The following SMUG1 variants were observed in gnomAD, a reference collection of about 807,000 sequenced individuals.
The protein encoded by SMUG1 is single-strand selective monofunctional uracil DNA glycosylase.
Under a neutral mutation model 23.9 loss-of-function variants are expected in SMUG1, and 13 were observed. The observed-to-expected ratio is 0.54, with a 90% CI of 0.35 to 0.86. The LOEUF (loss-of-function observed/expected upper bound fraction) is 0.86. Among genes scored for constraint, SMUG1 ranks in the 40% least tolerant of loss-of-function variants. The pLI, the probability that SMUG1 is intolerant of heterozygous loss-of-function variation, is 0.01. For synonymous variants in SMUG1, 133 were observed against 139.8 expected (o/e 0.95, Z 0.34); for missense variants, 313 against 339.5 (o/e 0.92, Z 0.61).
At chr12:54,164,924 T>C (rs1228583667) in intron 4 of SMUG1, 1 of 152,190 alleles carries the variant, frequency 6.6e-6, no homozygotes, top group Non-Finnish European at 1.5e-5. Context: ...CAAACAATTA[T>C]ATCATTCTGC....
chr12:54,169,322 C>T (rs1940558422), intron 3 of SMUG1, among the ~76,000 whole-genome samples: 1 of 152,026 alleles, frequency 6.6e-6, no homozygotes, highest in African/African-American at 2.4e-5. Flanking sequence ...AGGACTGTAC[C>T]AGTGGAGATT....
At chr12:54,187,435 G>A (rs544168421) in intron 2 of SMUG1, 1 of 152,374 alleles carries the variant, frequency 6.6e-6, no homozygotes, top group African/African-American at 2.4e-5. Context: ...TGAGAAGGGT[G>A]CTGTGGAGAA....
At chr12:54,161,672 T>C (rs779814790), downstream of SMUG1, among the ~76,000 whole-genome samples, 2 of 152,224 alleles carry the variant, frequency 1.3e-5, no homozygotes, top group Non-Finnish European at 2.9e-5. The surrounding 1 kb of genome is among the most constrained non-coding windows in gnomAD (Gnocchi z 4.2). Context: ...CTCTCTCCTT[T>C]ACCTTTTGCC....
intron 2 of SMUG1, among the ~76,000 whole-genome samples, chr12:54,174,826 T>G (rs1940714595): frequency 6.6e-6 from 1 of 152,218 alleles, no homozygotes; most frequent in African/African-American, 2.4e-5. Context: ...GGAAAATTCT[T>G]TTGCAGGTGT....
chr12:54,159,071 G>A (rs1156241180), intron 4 of SMUG1, among the ~76,000 whole-genome samples: 1 of 152,058 alleles, frequency 6.6e-6, no homozygotes, highest in Admixed American at 6.5e-5. Flanking sequence ...CCCCAGGTTA[G>A]TGCCCCCACA....
chr12:54,185,423 G>A (rs1029113301), intron 2 of SMUG1, among the ~76,000 whole-genome samples: 4 of 149,416 alleles, frequency 2.7e-5, no homozygotes, highest in Non-Finnish European at 5.9e-5. Flanking sequence ...AGCCAAGATC[G>A]TGCCACTGCA....
Position 54,184,042 on chromosome 12 carries a change from C to G in SMUG1, c.-19-83G>C, listed in dbSNP as rs957694258. ...CCATGCTTGCCAGGGCCCCCACTACCATTTCCTGGGCTCAGAAGGGACCCT... is the reference window on the plus strand; with the variant it reads ...CCATGCTTGCCAGGGCCCCCACTACGATTTCCTGGGCTCAGAAGGGACCCT... On this transcript the variant is annotated intron_variant, in intron 2 of 3. Transcript: ENST00000682136. 3.3e-6 allele frequency: 4 copies of G among 1,224,776 alleles called. No individual in the cohort carries two copies. In the Admixed American group the frequency reaches 1.2e-4, roughly 36 times the overall value. The allele number at this position is 1,224,776 out of a possible 1,614,324, so 75.9% of individuals were successfully genotyped here. A position where few individuals can be genotyped will look rare whatever the true frequency, so the allele number is the denominator to read the frequency against.
Position 54,181,569 on chromosome 12 carries a change from G to A in SMUG1, c.*527C>T. On this transcript the variant is annotated 3_prime_UTR_variant, in exon 4 of 4. Coordinates refer to ENST00000682136, the MANE Select transcript of SMUG1 (RefSeq NM_001243787.2). The stretch of plus-strand genomic sequence containing the variant: ...CTTCTGACTTGCACTCTGTCACACT[G>A]GATTTTTCCTCTGATCCAGCTGCAG... 1 of 1,556,450 alleles carries A rather than the reference G, an allele frequency of 6.4e-7. No homozygotes were observed. Among genetic ancestry groups the A allele is most frequent in the Non-Finnish European group, 8.6e-7 (1 of 1,157,464 alleles).
At chr12:54,170,524 C>T (rs1347250498) in intron 3 of SMUG1, among the ~76,000 whole-genome samples, 1 of 152,138 alleles carries the variant, frequency 6.6e-6, no homozygotes, top group Non-Finnish European at 1.5e-5. Flanking sequence ...AAGCCAAGAG[C>T]CCCGCACCTC....
At chr12:54,165,861 C>T (rs544435769) in intron 3 of SMUG1, among the ~76,000 whole-genome samples, 169 of 152,280 alleles carry the variant, frequency 1.1e-3, no homozygotes, top group Non-Finnish European at 2.1e-3. Context: ...CAGGTAGTAG[C>T]TTAAAAGCCT....
At chr12:54,170,054 C>T (rs551557361) in intron 3 of SMUG1, among the ~76,000 whole-genome samples, 4 of 151,994 alleles carry the variant, frequency 2.6e-5, no homozygotes, top group Non-Finnish European at 5.9e-5. Context: ...CAAAATTAGC[C>T]GGGTGTGGTG....
chr12:54,159,115 G>T (rs1940145145), intron 4 of SMUG1, among the ~76,000 whole-genome samples: 1 of 152,156 alleles, frequency 6.6e-6, no homozygotes, highest in African/African-American at 2.4e-5. Flanking sequence ...AGGGAATGCT[G>T]CCTGCCTCCA....
At chr12:54,162,564 C>T (rs1394453745), downstream of SMUG1, 1 of 152,116 alleles carries the variant, frequency 6.6e-6, no homozygotes, top group Non-Finnish European at 1.5e-5. Flanking sequence ...GTGATAAAAC[C>T]CAGTATGGTA....
chr12:54,184,466 A>C (rs1314656749), intron 2 of SMUG1, among the ~76,000 whole-genome samples: 2 of 152,208 alleles, frequency 1.3e-5, no homozygotes, highest in Admixed American at 6.5e-5. Context: ...GTGGTGAGCG[A>C]CTGCTCTGCA....
At chr12:54,170,744 G>A (rs1224666003) in intron 3 of SMUG1, among the ~76,000 whole-genome samples, 1 of 151,992 alleles carries the variant, frequency 6.6e-6, no homozygotes, top group African/African-American at 2.4e-5. Context: ...CTACAGGTGC[G>A]TGCCACCACA....
At chr12:54,182,909 C>G (rs1267913652) in intron 3 of SMUG1, 1 of 428,722 alleles carries the variant, frequency 2.3e-6, no homozygotes, top group Non-Finnish European at 4.1e-6. Context: ...TAGCCCTACA[C>G]AGGGTTTGAT....
chr12:54,176,851 A>C (rs1293397675), downstream of SMUG1, among the ~76,000 whole-genome samples: 1 of 149,990 alleles, frequency 6.7e-6, no homozygotes, highest in African/African-American at 2.4e-5. Context: ...GAGGTAAGAA[A>C]ATTCTCTTTC....
chr12:54,181,141 G>C lies in SMUG1; in HGVS notation c.*955C>G. On this transcript the variant is annotated 3_prime_UTR_variant, in exon 4 of 4. Transcript: ENST00000682136. ...GGGGAAAAAAGTAACAAGACAAAAG[G>C]CTTTAGGAGCTCTTAATGCTTAGAG... 6.0e-6 allele frequency: 1 copy of C among 167,054 alleles called. No homozygotes were observed. Among genetic ancestry groups the C allele is most frequent in the Non-Finnish European group, 1.3e-5 (1 of 77,270 alleles). The allele number at this position is 167,054 out of a possible 1,614,324, so 10.3% of individuals were successfully genotyped here.
chr12:54,159,205 C>T (rs1213052283), intron 4 of SMUG1, among the ~76,000 whole-genome samples: 2 of 152,098 alleles, frequency 1.3e-5, no homozygotes, highest in African/African-American at 4.8e-5. Context: ...AACAGCCCGG[C>T]GTCGAGCCCC....
Sources: allele counts gnomAD v4.1 joint callset (sites outside exome capture counted in the v4.1 genomes callset), GRCh38; gene constraint gnomAD v4.1.1; non-coding constraint Gnocchi (gnomAD v3.1); transcripts MANE v1.5; gene names NCBI Gene and HGNC (gene_info 2026-07-23, HGNC 2026-07-21).